The following ZNF875 variants were observed in gnomAD, a reference collection of about 807,000 sequenced individuals.
The protein encoded by ZNF875 is zinc finger protein 875.
In ZNF875, 14 loss-of-function variants were observed where a neutral mutation model predicts 11.2. The ratio of observed to expected loss-of-function variants is 1.26; its 90% confidence interval spans 0.83 to 1.96. The LOEUF (loss-of-function observed/expected upper bound fraction) is 1.96, where lower values mean the gene tolerates loss of function less well. ZNF875 is among the 30% of genes most tolerant of loss of function. ZNF875 has a pLI of 0.00. For missense variants in ZNF875, 752 were observed against 760.4 expected (o/e 0.99, Z 0.13); for synonymous variants, 301 against 281.1 (o/e 1.07, Z -0.71).
intron 2 of ZNF875, among the ~76,000 whole-genome samples, chr19:37,335,753 A>G (rs1405461777): frequency 6.6e-6 from 1 of 152,204 alleles, no homozygotes; most frequent in East Asian, 1.9e-4. Context: ...CTCTCAGCAC[A>G]TCTTTTGGTG....
chr19:37,339,666 G>A (rs2035283232), intron 2 of ZNF875, among the ~76,000 whole-genome samples: 1 of 150,788 alleles, frequency 6.6e-6, no homozygotes, highest in Non-Finnish European at 1.5e-5. Context: ...CCAGGTTCGA[G>A]CAATTCTCTT....
chr19:37,319,078 CT>C (rs2030731815), intron 1 of ZNF875, among the ~76,000 whole-genome samples: 1 of 148,218 alleles, frequency 6.7e-6, no homozygotes, highest in Admixed American at 6.7e-5. Context: ...CGGAGTTTCG[CT>C]CTTGTTGCCC....
intron 2 of ZNF875, chr19:37,344,939 A>T (rs1369152645): frequency 1.6e-6 from 1 of 616,460 alleles, no homozygotes; most frequent in Non-Finnish European, 3.0e-6. Context: ...TCCAGTGTTT[A>T]ATGATGAACA....
At chr19:37,355,829 A>T (rs2038807860) in intron 4 of ZNF875, among the ~76,000 whole-genome samples, 1 of 152,152 alleles carries the variant, frequency 6.6e-6, no homozygotes, top group African/African-American at 2.4e-5. Flanking sequence ...GGTTTGTTAC[A>T]TGGGTATATT....
At chr19:37,358,516 A>G (rs1297530634) in intron 4 of ZNF875, 2 of 123,998 alleles carry the variant, frequency 1.6e-5, no homozygotes, top group Non-Finnish European at 3.2e-5. Flanking sequence ...CTCAGTTCTC[A>G]CTTTTTTTTT....
chr19:37,322,594 A>T (rs1049934175), intron 2 of ZNF875, among the ~76,000 whole-genome samples: 2 of 152,156 alleles, frequency 1.3e-5, no homozygotes, highest in Admixed American at 6.5e-5. Flanking sequence ...TCAGTGAACT[A>T]CTCTGTATAT....
At chr19:37,331,221 T>A (rs1034090151), upstream of ZNF875, among the ~76,000 whole-genome samples, 1 of 124,740 alleles carries the variant, frequency 8.0e-6, no homozygotes. Context: ...ATAGAGCTAA[T>A]AACTCCTTGC....
chr19:37,316,382 T>G (rs2030190485), upstream of ZNF875, among the ~76,000 whole-genome samples: 1 of 152,258 alleles, frequency 6.6e-6, no homozygotes, highest in African/African-American at 2.4e-5. Flanking sequence ...TTTATTTATT[T>G]TTTTGAGACG....
chr19:37,314,371 C>T (rs1156446488), upstream of ZNF875, among the ~76,000 whole-genome samples: 3 of 152,164 alleles, frequency 2.0e-5, no homozygotes. Flanking sequence ...CCACCTTGGC[C>T]TCCCAAAGTG....
rs550226699 is a variant in ZNF875 at position 37,320,088 on chromosome 19, C to T, written c.-747+1902C>T. 3.9e-5 allele frequency among the ~76,000 whole-genome samples: 6 copies of T among 152,108 alleles called. No homozygotes were observed. In the East Asian group the frequency reaches 1.2e-3, roughly 29 times the overall value. On this transcript the variant is annotated intron_variant, in intron 1 of 5. Coordinates refer to the ZNF875 transcript ENST00000544914. ...ATTTTCAGTAGAGATGGGGTTTCAC[C>T]GTGGTCTCGATCTCCTGACTTCGTA...
chr19:37,350,423 ATT>A (rs2037653170), intron 4 of ZNF875, among the ~76,000 whole-genome samples: 2 of 152,090 alleles, frequency 1.3e-5, no homozygotes, highest in South Asian at 4.2e-4. Context: ...CTGTGAAATA[ATT>A]TGTCTCAATT....
intron 4 of ZNF875, among the ~76,000 whole-genome samples, chr19:37,353,482 G>C (rs2146445258): frequency 6.6e-6 from 1 of 152,276 alleles, no homozygotes; most frequent in Admixed American, 6.5e-5. Context: ...AGAAATATGT[G>C]TGTGTGCTTT....
intron 2 of ZNF875, chr19:37,344,727 A>G (rs1372875903): frequency 3.1e-6 from 5 of 1,613,418 alleles, no homozygotes; most frequent in East Asian, 2.2e-5. Flanking sequence ...CCCTACATGC[A>G]TGGTTCACAG....
intron 1 of ZNF875, among the ~76,000 whole-genome samples, chr19:37,319,047 GA>G (rs982651120): frequency 1.3e-5 from 2 of 149,556 alleles, no homozygotes; most frequent in African/African-American, 4.9e-5. Flanking sequence ...TGCTGGTTTA[GA>G]TTTTTTTTTT....
intron 2 of ZNF875, chr19:37,344,727 A>T (rs1372875903): frequency 6.2e-7 from 1 of 1,613,536 alleles, no homozygotes; most frequent in Non-Finnish European, 8.5e-7. Context: ...CCCTACATGC[A>T]TGGTTCACAG....
rs200183559 is a variant in ZNF875, at chr19:37,362,802, G to A, written c.950G>A (p.Arg317Gln). The A allele has an allele frequency of 8.1e-6, 13 of 1,613,058 alleles. No individual in the cohort carries two copies. Among genetic ancestry groups the A allele is most frequent in the Admixed American group, 3.3e-5 (2 of 59,932 alleles). ...CCTTATGTGTGCAAGGATTGTGGACGAGGCTTTACTTGGAAGTCGAACCTC... is the reference window on the plus strand; with the variant it reads ...CCTTATGTGTGCAAGGATTGTGGACAAGGCTTTACTTGGAAGTCGAACCTC... The part of the protein sequence containing the change: ...EKPYVCKDCG[R>Q]GFTWKSNLFT... Residue 317 changes from arginine (R) to glutamine (Q), a missense_variant, in exon 5 of 5, where the codon CGA (arginine) becomes CAA (glutamine). Arg to Gln is a conservative substitution (Grantham distance 43, BLOSUM62 1). Transcript: ENST00000392153.
upstream of ZNF875, among the ~76,000 whole-genome samples, chr19:37,333,910 C>A (rs76367692): frequency 3.4e-3 from 511 of 152,202 alleles, 3 homozygotes; most frequent in African/African-American, 0.012. Flanking sequence ...TCCAACACCG[C>A]CCCACCTCCA....
intron 2 of ZNF875, among the ~76,000 whole-genome samples, chr19:37,340,156 A>G (rs575495011): frequency 4.0e-5 from 6 of 151,782 alleles, no homozygotes; most frequent in African/African-American, 1.5e-4. Flanking sequence ...TTCATTTTGT[A>G]TTTTTAGTAG....
At chr19:37,316,811 C>T (rs1463624239), upstream of ZNF875, among the ~76,000 whole-genome samples, 1 of 150,294 alleles carries the variant, frequency 6.7e-6, no homozygotes, top group African/African-American at 2.5e-5. Flanking sequence ...TACAGGCGCC[C>T]GCCACCACGC....
Sources: allele counts gnomAD v4.1 joint callset (sites outside exome capture counted in the v4.1 genomes callset), GRCh38; gene constraint gnomAD v4.1.1; transcripts MANE v1.5; gene names NCBI Gene and HGNC (gene_info 2026-07-23, HGNC 2026-07-21).